Variants in PCDHA10 observed in about 807,000 individuals in gnomAD.
The protein encoded by PCDHA10 is protocadherin alpha 10, also known as protocadherin alpha-10.
In PCDHA10, 45 loss-of-function variants were observed where a neutral mutation model predicts 61.2. That is an observed-to-expected ratio of 0.74 (90% confidence interval 0.58 to 0.94). The LOEUF is 0.94. PCDHA10 is among the 40% of genes least tolerant of loss of function. PCDHA10 has a pLI of 0.00. For missense variants in PCDHA10, 1,278 were observed against 1,236.2 expected, an observed-to-expected ratio of 1.03 and a Z score of -0.51; for synonymous variants, 602 against 548.8, an observed-to-expected ratio of 1.10 and a Z score of -1.35.
chr5:140,862,475 C>T (rs1252932396), intron 1 of PCDHA10: 2 of 377,970 alleles, frequency 5.3e-6, no homozygotes, highest in African/African-American at 4.2e-5. Flanking sequence ...GCAAATCTAT[C>T]CATTGTTGGT....
At chr5:140,867,456 T>G (rs1035822606) in intron 1 of PCDHA10, 8 of 152,272 alleles carry the variant, frequency 5.3e-5, no homozygotes, top group African/African-American at 1.9e-4. Context: ...AGAGTTCTAG[T>G]GTTATGACAA....
intron 3 of PCDHA10, among the ~76,000 whole-genome samples, chr5:140,988,630 G>A (rs184253041): frequency 3.1e-4 from 47 of 152,192 alleles, no homozygotes; most frequent in African/African-American, 1.1e-3. Context: ...AGATGTCCTG[G>A]TTTTCTGAAA....
chr5:140,977,077 C>A (rs1303374839), intron 1 of PCDHA10, among the ~76,000 whole-genome samples: 1 of 152,138 alleles, frequency 6.6e-6, no homozygotes, highest in Non-Finnish European at 1.5e-5. Context: ...AGCAGCATGA[C>A]AAATTAAATG....
chr5:140,983,523 T>G (rs1186391173), intron 3 of PCDHA10, among the ~76,000 whole-genome samples: 1 of 152,224 alleles, frequency 6.6e-6, no homozygotes, highest in East Asian at 1.9e-4. Flanking sequence ...CTGTGCCAAG[T>G]ACATTGTATG....
In PCDHA10 at chr5:140,959,884, G is replaced by A. The variant is rs141989766; in HGVS notation, c.2389-19065G>A. On this transcript the variant is annotated intron_variant, in intron 1 of 3. Coordinates refer to ENST00000307360, the MANE Select transcript of PCDHA10 (RefSeq NM_018901.4). ...TAGCAAAATCTGTCAAGGAATACAC[G>A]AGTGGGATTTATATCAGAAAAATCA... Among the ~76,000 whole-genome samples, 570 of 152,254 alleles carry A rather than the reference G, an allele frequency of 3.7e-3. 1 individual carries two copies. The highest frequency in any genetic ancestry group is 6.9e-3 in the Non-Finnish European group (471 of 68,018).
At chr5:140,870,657 G>T (rs782619046) in intron 1 of PCDHA10, 1 of 1,612,514 alleles carries the variant, frequency 6.2e-7, no homozygotes, top group Non-Finnish European at 8.5e-7. Context: ...AGGTGTACGC[G>T]CTGCAGCCGT....
Position 140,857,928 on chromosome 5 carries a change from C to A in PCDHA10, c.1880C>A (p.Thr627Lys), listed in dbSNP as rs529968685. 1 of 1,597,668 alleles carries A rather than the reference C, an allele frequency of 6.3e-7. No homozygotes were observed. Among genetic ancestry groups the A allele is most frequent in the East Asian group, 2.2e-5 (1 of 44,818 alleles). The part of the protein sequence containing the change: ...ARIPFRVGLY[T>K]GEISTTRALD... ...ATCCCGTTTCGCGTGGGGCTGTACA[C>A]GGGCGAGATCAGTACGACGCGCGCT... is the stretch of plus-strand genomic sequence containing the variant. Residue 627 changes from threonine to lysine, a missense_variant, in exon 1 of 4, where the codon ACG becomes AAG. Physicochemically the swap from Thr to Lys is moderately conservative, Grantham distance 78. Transcript: ENST00000307360.
chr5:140,967,342 C>T (rs149890293), intron 1 of PCDHA10: 40 of 1,607,992 alleles, frequency 2.5e-5, no homozygotes, highest in Non-Finnish European at 3.4e-5. Context: ...CCAGCGAGCA[C>T]TTCGAGCTGG....
intron 1 of PCDHA10, among the ~76,000 whole-genome samples, chr5:140,899,817 T>C (rs1360189018): frequency 6.6e-6 from 1 of 152,178 alleles, no homozygotes; most frequent in East Asian, 1.9e-4. Flanking sequence ...TTGTTTTGTT[T>C]TTCCTTTTTG....
Position 140,869,160 on chromosome 5 carries a change from C to T in PCDHA10, c.2388+10724C>T, listed in dbSNP as rs201759355. 10 of 1,613,886 alleles carry T rather than the reference C, an allele frequency of 6.2e-6. No homozygotes were observed. In the East Asian group the frequency reaches 2.0e-4, roughly 32 times the overall value. On this transcript the variant is annotated intron_variant, in intron 1 of 3. Transcript: ENST00000307360. ...CCCCACGACTACAGCTCTGGCTTCT[C>T]CTCCTCGAATTCTGGGAGGTGGGGA...
chr5:140,988,818 CCAAA>C (rs1193685505), intron 3 of PCDHA10: 2 of 152,060 alleles, frequency 1.3e-5, no homozygotes, highest in Non-Finnish European at 2.9e-5. Flanking sequence ...AACAGTAGCC[CCAAA>C]CAGAGATCAC....
rs1436927101 is a variant in PCDHA10 at position 140,886,292 on chromosome 5, T to A, written c.2388+27856T>A. Reference sequence around the variant, plus strand: ...AAATTTTTTAAAATTATTTTTATATTTATTTATTTTTTATTACACTTTAAG... The same window carrying A: ...AAATTTTTTAAAATTATTTTTATATATATTTATTTTTTATTACACTTTAAG... On this transcript the variant is annotated intron_variant, in intron 1 of 3. Coordinates refer to ENST00000307360, the MANE Select transcript of PCDHA10 (RefSeq NM_018901.4). 5.3e-5 allele frequency among the ~76,000 whole-genome samples: 8 copies of A among 152,090 alleles called. No homozygotes were observed. In the East Asian group the frequency reaches 1.3e-3, roughly 26 times the overall value.
chr5:140,857,995 G>A lies in PCDHA10; in HGVS notation c.1947G>A (p.Leu649=). 1 of 1,597,106 alleles carries A rather than the reference G, an allele frequency of 6.3e-7. No homozygotes were observed. The highest frequency in any genetic ancestry group is 2.2e-5 in the East Asian group (1 of 44,800). ...TDSPRQRLLV[L]VKDHGEPSLT... ...CGCCACGCCAGCGCCTACTGGTGCTGGTGAAGGACCATGGCGAGCCGTCGC... is the reference window on the plus strand; with the variant it reads ...CGCCACGCCAGCGCCTACTGGTGCTAGTGAAGGACCATGGCGAGCCGTCGC... The change falls in exon 1 of 4, where the codon CTG becomes CTA. Residue 649 remains leucine (L), a synonymous_variant. Coordinates refer to ENST00000307360, the MANE Select transcript of PCDHA10 (RefSeq NM_018901.4).
intron 1 of PCDHA10, among the ~76,000 whole-genome samples, chr5:140,906,185 A>G (rs574875890): frequency 2.8e-4 from 43 of 152,270 alleles, no homozygotes; most frequent in African/African-American, 1.0e-3. Flanking sequence ...GCATCCTTCA[A>G]TCCAATCAAG....
intron 1 of PCDHA10, chr5:140,867,501 C>G (rs2049995274): frequency 6.6e-6 from 1 of 151,954 alleles, no homozygotes. Context: ...AAAAGTAGAA[C>G]AAAATCTCAA....
intron 1 of PCDHA10, among the ~76,000 whole-genome samples, chr5:140,972,920 C>T (rs1343772789): frequency 6.6e-6 from 1 of 152,048 alleles, no homozygotes; most frequent in East Asian, 1.9e-4. Context: ...CCTTGGCCTC[C>T]CAAAGTGCTG....
intron 1 of PCDHA10, among the ~76,000 whole-genome samples, chr5:140,881,835 G>A (rs1048266615): frequency 2.6e-5 from 4 of 152,124 alleles, no homozygotes; most frequent in Non-Finnish European, 5.9e-5. Context: ...AGTTCTGCAT[G>A]GAATTCTTAC....
chr5:140,888,802 AGTGATCT>A (rs1418023292), intron 1 of PCDHA10, among the ~76,000 whole-genome samples: 2 of 152,088 alleles, frequency 1.3e-5, no homozygotes, highest in African/African-American at 4.8e-5. Flanking sequence ...GAGGTTGATC[AGTGATCT>A]GTGATCTGTG....
intron 1 of PCDHA10, among the ~76,000 whole-genome samples, chr5:140,953,471 C>T (rs554082808): frequency 3.9e-5 from 6 of 152,074 alleles, no homozygotes; most frequent in Non-Finnish European, 7.4e-5. Flanking sequence ...TTTTAACTTC[C>T]TCATGCTGTG....
Sources: gnomAD v4.1 joint callset for allele counts (sites outside exome capture counted in the v4.1 genomes callset) on GRCh38, gnomAD v4.1.1 for gene constraint, MANE v1.5 for transcripts, NCBI Gene and HGNC (gene_info 2026-07-23, HGNC 2026-07-21) for gene names.